ARHGAP29: variants seen among roughly 807,000 people sequenced by gnomAD.
ARHGAP29 encodes rho GTPase-activating protein 29.
A neutral mutation model predicts 122.6 loss-of-function variants in ARHGAP29; 43 were observed. The ratio of observed to expected loss-of-function variants is 0.35; its 90% CI spans 0.27 to 0.45. The LOEUF (loss-of-function observed/expected upper bound fraction) is 0.45, where lower values mean the gene tolerates loss of function less well. Among genes scored for constraint, ARHGAP29 ranks in the 20% least tolerant of loss-of-function variants. ARHGAP29 has a pLI of 1.00. For missense variants in ARHGAP29, 1,303 were observed against 1,477.2 expected, an observed-to-expected ratio of 0.88 and a Z score of 1.93; for synonymous variants, 506 against 497.1, an observed-to-expected ratio of 1.02 and a Z score of -0.24.
At chr1:94,185,755 G>A (rs1322339122) in intron 16 of ARHGAP29, among the ~76,000 whole-genome samples, 1 of 152,060 alleles carries the variant, frequency 6.6e-6, no homozygotes, top group Non-Finnish European at 1.5e-5. Context: ...TTCAGAATCA[G>A]CATATTTACA....
intron 1 of ARHGAP29, among the ~76,000 whole-genome samples, chr1:94,233,359 T>C (rs1231441972): frequency 6.6e-6 from 1 of 152,134 alleles, no homozygotes; most frequent in Non-Finnish European, 1.5e-5. Flanking sequence ...CATTTTTCTT[T>C]CTGATCTACA....
intron 12 of ARHGAP29, among the ~76,000 whole-genome samples, chr1:94,198,812 A>G (rs1650636842): frequency 6.6e-6 from 1 of 152,208 alleles, no homozygotes; most frequent in Non-Finnish European, 1.5e-5. Context: ...AAATGTTGGC[A>G]AGAGTTTTTT....
At chr1:94,178,269 C>T (rs1460733519) in intron 20 of ARHGAP29, 102 bp from the exon 21 acceptor site, 1 of 1,104,026 alleles carries the variant, frequency 9.1e-7, no homozygotes, top group Non-Finnish European at 1.3e-6. Flanking sequence ...ATGAGCTGCA[C>T]AAAAATACTA....
At chr1:94,221,243 G>C (rs1474472244) in intron 2 of ARHGAP29, among the ~76,000 whole-genome samples, 1 of 152,092 alleles carries the variant, frequency 6.6e-6, no homozygotes, top group East Asian at 1.9e-4. Context: ...AAATCAGAAA[G>C]TATAATCACC....
At chr1:94,295,032 T>TA in the ARHGAP29 span, among the ~76,000 whole-genome samples, 18 of 152,208 alleles carry the variant, frequency 1.2e-4, no homozygotes, top group African/African-American at 3.6e-4. Flanking sequence ...GTAAGAAAGG[T>TA]AAAATGACAA....
chr1:94,227,075 T>G (rs139594989), intron 2 of ARHGAP29, among the ~76,000 whole-genome samples: 1 of 151,940 alleles, frequency 6.6e-6, no homozygotes, highest in African/African-American at 2.4e-5. Flanking sequence ...CTTTGCAAAT[T>G]TATGCAGAAC....
the ARHGAP29 span, among the ~76,000 whole-genome samples, chr1:94,314,379 T>C: frequency 1.3e-5 from 2 of 152,194 alleles, no homozygotes; most frequent in Admixed American, 1.3e-4. Context: ...GAATAAGTAT[T>C]GGGGTTAACT....
rs1170955331 is a variant in ARHGAP29, at chr1:94,185,540, TATC to T, written c.1781-62_1781-60del. ...ATGATAGAAAAATTATACCATGTGA[TATC>T]ATATTTTGAATAATCTTTAAACCCT... On this transcript the variant is annotated intron_variant, in intron 16 of 22. Transcript: ENST00000260526. The T allele has an allele frequency of 3.6e-6, 5 of 1,388,496 alleles. No individual in the cohort carries two copies. In the African/African-American group the frequency reaches 4.4e-5, roughly 12 times the overall value. 86.0% of individuals were successfully genotyped at this position (1,388,496 alleles called of 1,614,324 possible).
intron 11 of ARHGAP29, 88 bp from the exon 12 acceptor site, chr1:94,201,945 GAA>G: frequency 8.2e-7 from 1 of 1,214,348 alleles, no homozygotes. Context: ...TGAAATAACT[GAA>G]AATTCTGAAA....
chr1:94,203,571 C>T (rs762717863), intron 8 of ARHGAP29, among the ~76,000 whole-genome samples: 3 of 151,994 alleles, frequency 2.0e-5, no homozygotes, highest in Non-Finnish European at 4.4e-5. Flanking sequence ...CCCATCTCTA[C>T]AAAAACATGC....
At chr1:94,247,090 A>T (rs1376971116) in intron 1 of ARHGAP29, among the ~76,000 whole-genome samples, 1 of 152,194 alleles carries the variant, frequency 6.6e-6, no homozygotes, top group Non-Finnish European at 1.5e-5. Flanking sequence ...ATGGAACATG[A>T]GATGTCTGTT....
chr1:94,210,523 A>C (rs2101545756), intron 3 of ARHGAP29, among the ~76,000 whole-genome samples: 2 of 152,356 alleles, frequency 1.3e-5, no homozygotes, highest in African/African-American at 4.8e-5. Flanking sequence ...AAAATTTTAT[A>C]TGCATAAGCC....
At chr1:94,190,165 C>T in intron 12 of ARHGAP29, 82 bp from the exon 13 acceptor site, 1 of 1,423,578 alleles carries the variant, frequency 7.0e-7, no homozygotes, top group South Asian at 1.3e-5. Flanking sequence ...AATGACTGCA[C>T]CAATAAAAAT....
chr1:94,260,174 G>A lies in ARHGAP29; in HGVS notation c.-33+14838C>T, dbSNP rs562562571. Among the ~76,000 whole-genome samples, 9 of 152,332 alleles carry A rather than the reference G, an allele frequency of 5.9e-5. No individual in the cohort carries two copies. The East Asian group carries it at 1.5e-3, about 26-fold the overall frequency. Reference sequence around the variant, plus strand: ...CCTGGGATGAGCCATGGACATTCGAGTGTGCATTATATGGTAGCCTTTTCC... The same window carrying A: ...CCTGGGATGAGCCATGGACATTCGAATGTGCATTATATGGTAGCCTTTTCC... On this transcript the variant is annotated intron_variant and NMD_transcript_variant, in intron 1 of 25. Coordinates refer to the ARHGAP29 transcript ENST00000552844.
chr1:94,286,308 T>C, the ARHGAP29 span, among the ~76,000 whole-genome samples: 2 of 152,282 alleles, frequency 1.3e-5, no homozygotes, highest in African/African-American at 4.8e-5. Flanking sequence ...GGTTTAGGGC[T>C]TCAACATATG....
In ARHGAP29 at chr1:94,189,296, G is replaced by C; in HGVS notation, c.1496C>G (p.Ser499Cys). ...AGGAAGGCGTACAACATCCTCTAAA[G>C]AGTTGGCAGGTCCAAATCCTGAAGG... is the stretch of plus-strand genomic sequence containing the variant. ...SQPSGFGPANSLEDVVRLPDS... is the reference protein window; with the variant it reads ...SQPSGFGPANCLEDVVRLPDS... The change falls in exon 14 of 23, where the codon TCT (serine) becomes TGT (cysteine). Residue 499 changes from serine to cysteine, a missense_variant. This residue lies in a region of ARHGAP29 where 592 missense variants were observed against 648.2 expected (regional missense o/e 0.91). Coordinates refer to ENST00000260526, the MANE Select transcript of ARHGAP29 (RefSeq NM_004815.4). The C allele has an allele frequency of 6.2e-7, 1 of 1,613,022 alleles. No individual in the cohort carries two copies. Among genetic ancestry groups the C allele is most frequent in the Non-Finnish European group, 8.5e-7 (1 of 1,179,444 alleles).
chr1:94,211,396 T>G (rs1056826056), intron 3 of ARHGAP29, among the ~76,000 whole-genome samples: 5 of 150,408 alleles, frequency 3.3e-5, no homozygotes, highest in Non-Finnish European at 7.4e-5. Flanking sequence ...ACACATAAAT[T>G]CACAGTTGTA....
At chr1:94,255,900 A>G (rs966915338) in intron 1 of ARHGAP29, among the ~76,000 whole-genome samples, 23 of 152,350 alleles carry the variant, frequency 1.5e-4, no homozygotes, top group African/African-American at 5.3e-4. Flanking sequence ...TACTAATTCC[A>G]TCACTGTGCT....
chr1:94,208,606 C>G (rs938165026), intron 5 of ARHGAP29, among the ~76,000 whole-genome samples: 1 of 151,758 alleles, frequency 6.6e-6, no homozygotes, highest in Non-Finnish European at 1.5e-5. Context: ...ATTACAGGTG[C>G]CCACCACCAT....
Sources: allele counts gnomAD v4.1 joint callset (sites outside exome capture counted in the v4.1 genomes callset), GRCh38; gene constraint gnomAD v4.1.1; regional missense constraint gnomAD v4.1.1; transcripts MANE v1.5; gene names NCBI Gene and HGNC (gene_info 2026-07-23, HGNC 2026-07-21).